The following IRS1 variants were observed in gnomAD, a reference collection of about 807,000 sequenced individuals.
IRS1 encodes the protein insulin receptor substrate 1.
Under a neutral mutation model 65.6 loss-of-function variants are expected in IRS1, and 34 were observed. That is an observed-to-expected ratio of 0.52 (90% confidence interval 0.39 to 0.69). The LOEUF (loss-of-function observed/expected upper bound fraction) is 0.69, where lower values mean the gene tolerates loss of function less well. Among genes scored for constraint, IRS1 ranks in the 30% least tolerant of loss-of-function variants. The pLI is 0.00. For missense variants in IRS1, 1,641 were observed against 1,720.2 expected (o/e 0.95, Z 0.81); for synonymous variants, 699 against 683.5 (o/e 1.02, Z -0.35).
At chr2:226,792,115 G>A (rs1939624213) in intron 1 of IRS1, 3 of 152,204 alleles carry the variant, frequency 2.0e-5, no homozygotes, top group Admixed American at 2.0e-4. Flanking sequence ...AAAAGAAATG[G>A]AAAGAGTCTT....
At chr2:226,753,154 G>A (rs1938717287) in intron 1 of IRS1, among the ~76,000 whole-genome samples, 1 of 152,140 alleles carries the variant, frequency 6.6e-6, no homozygotes, top group Admixed American at 6.5e-5. Flanking sequence ...TGTTTGCAGA[G>A]AAGAGAACCT....
chr2:226,757,170 CA>C (rs1574646696), intron 1 of IRS1, among the ~76,000 whole-genome samples: 1 of 152,120 alleles, frequency 6.6e-6, no homozygotes, highest in East Asian at 1.9e-4. Context: ...GCAAGTCATA[CA>C]ACATCTGAGG....
At chr2:226,746,607 A>G (rs1458375546) in intron 1 of IRS1, among the ~76,000 whole-genome samples, 4 of 152,016 alleles carry the variant, frequency 2.6e-5, no homozygotes, top group Non-Finnish European at 5.9e-5. Flanking sequence ...TCCAGTTGAC[A>G]ATGAGGGGTC....
chr2:226,796,713 C>T lies in IRS1; in HGVS notation c.2026G>A (p.Gly676Arg). 6.2e-7 allele frequency: 1 copy of T among 1,613,634 alleles called. No individual in the cohort carries two copies. Among genetic ancestry groups the T allele is most frequent in the African/African-American group, 1.3e-5 (1 of 75,044 alleles). The change falls in exon 1 of 2, where the codon GGA (glycine) becomes AGA (arginine). Residue 676 changes from glycine to arginine, a missense_variant. Transcript: ENST00000305123. Reference protein sequence around the residue: ...SPSGGCSPDIGGGPSSSSSSS... With the variant: ...SPSGGCSPDIRGGPSSSSSSS... ...CTGCTGCTGCTGCTGGGGCCACCTC[C>T]AATGTCAGGAGAGCAGCCACCGCTG... is the stretch of plus-strand genomic sequence containing the variant.
At chr2:226,777,844 T>C (rs564436979) in intron 1 of IRS1, among the ~76,000 whole-genome samples, 1 of 152,304 alleles carries the variant, frequency 6.6e-6, no homozygotes, top group South Asian at 2.1e-4. Flanking sequence ...CTTATGTAAA[T>C]TGCCCAGCCT....
intron 1 of IRS1, among the ~76,000 whole-genome samples, chr2:226,778,898 T>G (rs1264510126): frequency 1.3e-5 from 2 of 152,240 alleles, no homozygotes; most frequent in Non-Finnish European, 2.9e-5. Context: ...TCTTTTATAA[T>G]TTGCCCTATT....
intron 1 of IRS1, among the ~76,000 whole-genome samples, chr2:226,766,163 A>ATATATTTT (rs58592685): frequency 4.4e-4 from 2 of 4,596 alleles, no homozygotes; most frequent in African/African-American, 1.1e-3. Context: ...ATATATATAT[A>ATATATTTT]TTTTTTTTTT....
chr2:226,744,697 A>T (rs561865771), intron 1 of IRS1, among the ~76,000 whole-genome samples: 1 of 152,324 alleles, frequency 6.6e-6, no homozygotes, highest in East Asian at 1.9e-4. Flanking sequence ...TTATGAGAAA[A>T]TAATGCCTGA....
At chr2:226,780,031 A>C (rs1939350580) in intron 1 of IRS1, among the ~76,000 whole-genome samples, 1 of 152,218 alleles carries the variant, frequency 6.6e-6, no homozygotes, top group African/African-American at 2.4e-5. Context: ...AAGAAAAAGG[A>C]GGAGCAATGG....
chr2:226,781,365 T>C (rs1363985204), intron 1 of IRS1, among the ~76,000 whole-genome samples: 2 of 152,166 alleles, frequency 1.3e-5, no homozygotes, highest in Non-Finnish European at 2.9e-5. Flanking sequence ...AGAAAAATGC[T>C]GAAGTTTCCT....
At chr2:226,741,255 G>A (rs1938430777) in intron 1 of IRS1, among the ~76,000 whole-genome samples, 1 of 152,170 alleles carries the variant, frequency 6.6e-6, no homozygotes, top group Admixed American at 6.5e-5. Flanking sequence ...AATCCATGAT[G>A]AGAAAAATTT....
intron 1 of IRS1, among the ~76,000 whole-genome samples, chr2:226,769,150 A>G (rs1453140468): frequency 6.6e-6 from 1 of 152,200 alleles, no homozygotes; most frequent in Non-Finnish European, 1.5e-5. Flanking sequence ...TCCCAACTCA[A>G]TACTCCCACT....
In IRS1 at chr2:226,797,000, C is replaced by T. The variant is rs372944422; in HGVS notation, c.1739G>A (p.Arg580His). ...GHRHSAFVPT[R>H]SYPEEGLEMH... is the part of the protein sequence containing the mutation. The stretch of plus-strand genomic sequence containing the variant: ...TTCCAGACCCTCCTCTGGGTAGGAG[C>T]GGGTGGGCACGAAGGCGGAGTGCCT... Residue 580 changes from arginine to histidine, a missense_variant, in exon 1 of 2, where the codon CGC becomes CAC. Physicochemically the swap from Arg to His is conservative, Grantham distance 29. Around this residue, in one of 3 missense-constraint regions of IRS1, gnomAD observed 1,324 missense variants for 1,361.0 expected, o/e 0.97. Transcript: ENST00000305123. 8.8e-6 allele frequency: 14 copies of T among 1,597,872 alleles called. No individual in the cohort carries two copies. The highest frequency in any genetic ancestry group is 1.7e-4 in the Middle Eastern group (1 of 6,014).
intron 1 of IRS1, among the ~76,000 whole-genome samples, chr2:226,751,076 C>T (rs1407435877): frequency 6.6e-6 from 1 of 152,066 alleles, no homozygotes; most frequent in South Asian, 2.1e-4. Context: ...GGTGAATGGG[C>T]TTTGACTGCA....
In IRS1 at chr2:226,796,873, C is replaced by A; in HGVS notation, c.1866G>T (p.Val622=). The A allele has an allele frequency of 6.5e-7, 1 of 1,539,162 alleles. No individual in the cohort carries two copies. The highest frequency in any genetic ancestry group is 8.8e-7 in the Non-Finnish European group (1 of 1,141,906). ...YMPMSPGVAP[V]PSGRKGSGDY... is the part of the protein sequence containing the mutation. Reference sequence around the variant, plus strand: ...CTCCACTGCCCTTTCGGCCACTGGGCACTGGGGCCACCCCTGGGGACATGG... The same window carrying A: ...CTCCACTGCCCTTTCGGCCACTGGGAACTGGGGCCACCCCTGGGGACATGG... The change falls in exon 1 of 2, where the codon GTG becomes GTT. Residue 622 remains valine, a synonymous_variant. Coordinates refer to ENST00000305123, the MANE Select transcript of IRS1 (RefSeq NM_005544.3).
Position 226,766,159 on chromosome 2 carries a change from A to ATTTTTTTTTT in IRS1, c.*21+28829_*21+28830insAAAAAAAAAA, listed in dbSNP as rs1433312154. On this transcript the variant is annotated intron_variant, in intron 1 of 1. Transcript: ENST00000305123. ...TATATATATATATATATATATATAT[A>ATTTTTTTTTT]TATATTTTTTTTTTTTTTTTTTGAG... 2.3e-3 allele frequency among the ~76,000 whole-genome samples: 13 copies of ATTTTTTTTTT among 5,762 alleles called. 2 individuals carry two copies. Among genetic ancestry groups the ATTTTTTTTTT allele is most frequent in the Non-Finnish European group, 5.1e-3 (13 of 2,554 alleles). The allele number at this position is 5,762 out of a possible 152,430, so 3.8% of individuals were successfully genotyped here.
intron 1 of IRS1, among the ~76,000 whole-genome samples, chr2:226,737,870 A>G (rs1938359321): frequency 6.6e-6 from 1 of 152,208 alleles, no homozygotes; most frequent in Non-Finnish European, 1.5e-5. Flanking sequence ...GCCACGTGGT[A>G]GTACTTAATA....
Position 226,797,109 on chromosome 2 carries a change from A to T in IRS1, c.1630T>A (p.Ser544Thr), listed in dbSNP as rs533942136. The change falls in exon 1 of 2, where the codon TCA becomes ACA. Residue 544 changes from serine (S) to threonine (T), a missense_variant. Physicochemically the swap from Ser to Thr is moderately conservative, Grantham distance 58. Coordinates refer to ENST00000305123, the MANE Select transcript of IRS1 (RefSeq NM_005544.3). This position sits in a 1 kb window ranked among gnomAD's most constrained non-coding sequence, Gnocchi z 8.1. ...ITHQKTPSQS[S>T]VASIEEYTEM... ...GTGTACTCCTCAATGGAAGCCACTGAGGACTGGGACGGGGTCTTCTGGTGG... is the reference window on the plus strand; with the variant it reads ...GTGTACTCCTCAATGGAAGCCACTGTGGACTGGGACGGGGTCTTCTGGTGG... 12 of 1,613,742 alleles carry T rather than the reference A, an allele frequency of 7.4e-6. No homozygotes were observed. In the South Asian group the frequency reaches 1.2e-4, roughly 16 times the overall value.
At chr2:226,785,355 T>C (rs201206789) in intron 1 of IRS1, among the ~76,000 whole-genome samples, 1 of 151,954 alleles carries the variant, frequency 6.6e-6, no homozygotes, top group Non-Finnish European at 1.5e-5. Flanking sequence ...GTAATCCCAG[T>C]ACTTTGGGAG....
Sources: gnomAD v4.1 joint callset for allele counts (sites outside exome capture counted in the v4.1 genomes callset) on GRCh38, gnomAD v4.1.1 for gene constraint, gnomAD v4.1.1 regional missense constraint, Gnocchi (gnomAD v3.1) non-coding constraint, MANE v1.5 for transcripts, NCBI Gene and HGNC (gene_info 2026-07-23, HGNC 2026-07-21) for gene names.